The following CNTN4 variants were observed in gnomAD, a reference collection of about 807,000 sequenced individuals.
CNTN4 encodes the protein contactin 4, also known as contactin-4.
CNTN4 carries 77 observed loss-of-function variants against 122.5 expected under a neutral mutation model. That is an observed-to-expected ratio of 0.63 (90% CI 0.52 to 0.76). The LOEUF is 0.76. CNTN4 is among the 30% of genes least tolerant of loss of function. The probability of loss-of-function intolerance (pLI) is 0.00; values close to 1 mark genes in which losing one functional copy is unlikely to be tolerated. For missense variants in CNTN4, 1,256 were observed against 1,259.1 expected (o/e 1.00, Z 0.04); for synonymous variants, 512 against 447.0 (o/e 1.15, Z -1.83).
chr3:2,405,595 GTAGATAGATAGATAGA>G lies in CNTN4; in HGVS notation c.-89+66390_-89+66405del, dbSNP rs61138023. Among the ~76,000 whole-genome samples the G allele has an allele frequency of 3.9e-3, 582 of 150,104 alleles. 5 individuals carry two copies. Among genetic ancestry groups the G allele is most frequent in the African/African-American group, 0.012 (474 of 40,934 alleles). Reference sequence around the variant, plus strand: ...TGCGAACCCATACTGTTATAGATAGGTAGATAGATAGATAGATAGATAGATAGATAGATAGATAGAT... The same window carrying G: ...TGCGAACCCATACTGTTATAGATAGGTAGATAGATAGATAGATAGATAGAT... On this transcript the variant is annotated intron_variant, in intron 3 of 24. Transcript: ENST00000418658.
intron 3 of CNTN4, among the ~76,000 whole-genome samples, chr3:2,529,557 G>A (rs1254291042): frequency 6.6e-6 from 1 of 152,104 alleles, no homozygotes; most frequent in African/African-American, 2.4e-5. Flanking sequence ...TGTAATACAT[G>A]TATTACTTAC....
intron 2 of CNTN4, among the ~76,000 whole-genome samples, chr3:2,223,526 A>G (rs1035992064): frequency 3.3e-5 from 5 of 152,198 alleles, no homozygotes; most frequent in African/African-American, 1.2e-4. Context: ...TGCTTCATCT[A>G]TGTGGAATAA....
At chr3:2,212,008 C>G (rs1207607749) in intron 2 of CNTN4, among the ~76,000 whole-genome samples, 6 of 152,266 alleles carry the variant, frequency 3.9e-5, no homozygotes, top group East Asian at 1.9e-4. Flanking sequence ...GGGTCTTGCT[C>G]TATTGCCCAG....
At chr3:2,413,459 A>T (rs2047300919) in intron 3 of CNTN4, among the ~76,000 whole-genome samples, 5 of 152,338 alleles carry the variant, frequency 3.3e-5, no homozygotes, top group Middle Eastern at 6.8e-3. Flanking sequence ...TTGGACATCT[A>T]GGTGTGTCAT....
intron 3 of CNTN4, among the ~76,000 whole-genome samples, chr3:2,483,225 A>T (rs893897180): frequency 6.6e-6 from 1 of 152,192 alleles, no homozygotes; most frequent in Admixed American, 6.5e-5. Flanking sequence ...AGGTTTACTG[A>T]CTGTCCTATT....
chr3:2,849,643 C>T (rs1402197962), intron 7 of CNTN4, among the ~76,000 whole-genome samples: 1 of 152,166 alleles, frequency 6.6e-6, no homozygotes, highest in Admixed American at 6.5e-5. Context: ...CCCTACTTTA[C>T]AGAAGAAGAT....
intron 3 of CNTN4, chr3:2,362,116 G>C (rs1284580757): frequency 6.5e-6 from 1 of 153,430 alleles, no homozygotes; most frequent in African/African-American, 2.4e-5. Context: ...AAGGAACCAA[G>C]TATGACTAAG....
chr3:2,327,075 G>C (rs12497920), intron 2 of CNTN4, among the ~76,000 whole-genome samples: 1 of 151,836 alleles, frequency 6.6e-6, no homozygotes, highest in Non-Finnish European at 1.5e-5. Context: ...CAACTGATCT[G>C]TGGTAATTTG....
At chr3:3,005,512 CT>C (rs1696523603) in intron 14 of CNTN4, among the ~76,000 whole-genome samples, 1 of 152,198 alleles carries the variant, frequency 6.6e-6, no homozygotes. Context: ...TTATTTGCCA[CT>C]TTTTAACAAG....
chr3:2,240,252 T>C (rs889965268), intron 2 of CNTN4, among the ~76,000 whole-genome samples: 1 of 152,212 alleles, frequency 6.6e-6, no homozygotes, highest in African/African-American at 2.4e-5. Context: ...GGGTTAGATA[T>C]TCATTTGAGA....
intron 4 of CNTN4, among the ~76,000 whole-genome samples, chr3:2,573,091 G>A (rs2149501612): frequency 6.6e-6 from 1 of 152,258 alleles, no homozygotes; most frequent in African/African-American, 2.4e-5. Flanking sequence ...GTAAGTGGTC[G>A]AGCTAAGATG....
At chr3:2,511,131 C>G (rs1389507597) in intron 3 of CNTN4, among the ~76,000 whole-genome samples, 1 of 152,118 alleles carries the variant, frequency 6.6e-6, no homozygotes, top group East Asian at 1.9e-4. Flanking sequence ...TGCTGAGAAT[C>G]CCTAACAGAC....
intron 13 of CNTN4, among the ~76,000 whole-genome samples, chr3:2,953,730 T>C (rs1459089096): frequency 6.6e-6 from 1 of 152,148 alleles, no homozygotes; most frequent in Non-Finnish European, 1.5e-5. Flanking sequence ...GACTCCAACA[T>C]ATAAATTGTC....
intron 3 of CNTN4, among the ~76,000 whole-genome samples, chr3:2,485,975 A>G (rs1341911378): frequency 6.6e-6 from 1 of 152,134 alleles, no homozygotes; most frequent in Non-Finnish European, 1.5e-5. Context: ...ACACTGTGGA[A>G]GCTTTGTTCT....
intron 6 of CNTN4, among the ~76,000 whole-genome samples, chr3:2,794,103 G>A (rs985779346): frequency 1.3e-5 from 2 of 152,046 alleles, no homozygotes; most frequent in Non-Finnish European, 2.9e-5. Flanking sequence ...ATGCTTTCCT[G>A]TTCATTCATC....
At chr3:2,223,616 A>G (rs1412052674) in intron 2 of CNTN4, among the ~76,000 whole-genome samples, 1 of 152,194 alleles carries the variant, frequency 6.6e-6, no homozygotes, top group Non-Finnish European at 1.5e-5. Context: ...CCTGCTTATG[A>G]GAATGTCCCT....
chr3:2,148,972 TG>T (rs1010149725), intron 2 of CNTN4, among the ~76,000 whole-genome samples: 8 of 142,218 alleles, frequency 5.6e-5, no homozygotes, highest in Non-Finnish European at 1.3e-4. Context: ...GTGTGTGTGT[TG>T]GGGGGGTGGT....
intron 23 of CNTN4, among the ~76,000 whole-genome samples, chr3:3,050,678 G>A (rs1701168131): frequency 6.7e-6 from 1 of 148,448 alleles, no homozygotes; most frequent in Admixed American, 6.9e-5. Flanking sequence ...CAGAAGAATT[G>A]CTTGAACCCG....
chr3:2,576,623 C>G (rs768524526), intron 4 of CNTN4, among the ~76,000 whole-genome samples: 1 of 150,560 alleles, frequency 6.6e-6, no homozygotes, highest in Non-Finnish European at 1.5e-5. Flanking sequence ...TCTTGGCTCA[C>G]TGCAACCTCC....
Sources: gnomAD v4.1 joint callset for allele counts (sites outside exome capture counted in the v4.1 genomes callset) on GRCh38, gnomAD v4.1.1 for gene constraint, MANE v1.5 for transcripts, NCBI Gene and HGNC (gene_info 2026-07-23, HGNC 2026-07-21) for gene names.